Variants in ADAM8 observed in about 807,000 individuals in gnomAD.
The protein encoded by ADAM8 is disintegrin and metalloproteinase domain-containing protein 8.
ADAM8 carries 104 observed loss-of-function variants against 102.4 expected under a neutral mutation model. The observed-to-expected ratio is 1.02, with a 90% CI of 0.87 to 1.20. The LOEUF (loss-of-function observed/expected upper bound fraction) is 1.20. Ranked by LOEUF, ADAM8 falls within the 50% of genes most tolerant of loss-of-function variation. ADAM8 has a pLI of 0.00. For missense variants in ADAM8, 1,132 were observed against 1,159.0 expected, an observed-to-expected ratio of 0.98 and a Z score of 0.34; for synonymous variants, 517 against 485.2, an observed-to-expected ratio of 1.07 and a Z score of -0.86.
intron 18 of ADAM8, 42 bp from the exon 19 acceptor site, chr10:133,268,904 C>A (rs1192940751): frequency 6.3e-7 from 1 of 1,585,922 alleles, no homozygotes; most frequent in Non-Finnish European, 8.5e-7. Context: ...CAGGCCGCGA[C>A]CTCAGGCAGG....
At position 133,262,977 on chromosome 10, in the gene ADAM8, G is replaced by T; in HGVS notation, c.*179C>A. 1.3e-6 allele frequency: 1 copy of T among 772,156 alleles called. No homozygotes were observed. Among genetic ancestry groups the T allele is most frequent in the Non-Finnish European group, 2.2e-6 (1 of 445,384 alleles). The allele number at this position is 772,156 out of a possible 1,614,324, so 47.8% of individuals were successfully genotyped here. The stretch of plus-strand genomic sequence containing the variant: ...TGGCCAAGGCGGGGAGAAGGAATTG[G>T]CTGAGGGCGTGGACAGCAGGAGCCT... On this transcript the variant is annotated 3_prime_UTR_variant, in exon 23 of 23. Coordinates refer to ENST00000445355, the MANE Select transcript of ADAM8 (RefSeq NM_001109.5).
At position 133,267,990 on chromosome 10, in the gene ADAM8, TG is replaced by T. The variant is rs1482554868; in HGVS notation, c.2191del (p.His731ThrfsTer15). 7.9e-7 allele frequency: 1 copy of T among 1,259,222 alleles called. No individual in the cohort carries two copies. Among genetic ancestry groups the T allele is most frequent in the Non-Finnish European group, 1.0e-6 (1 of 995,638 alleles). 78.0% of individuals were successfully genotyped at this position (1,259,222 alleles called of 1,614,324 possible). On this transcript the variant is annotated frameshift_variant, in exon 20 of 23. Coordinates refer to ENST00000445355, the MANE Select transcript of ADAM8 (RefSeq NM_001109.5). LOFTEE classifies it high-confidence loss of function. Reference sequence around the variant, plus strand: ...CGGGTGTCGGGCGGGCTGGCCCGGGTGGGTGGTGGGGACCAGCTCTTGGGGG... The same window carrying T: ...CGGGTGTCGGGCGGGCTGGCCCGGGTGGTGGTGGGGACCAGCTCTTGGGGG... ...RGPQELVPTT[H>X]PGQPARHPAS...
chr10:133,264,798 T>A (rs944767551), intron 21 of ADAM8, among the ~76,000 whole-genome samples: 4 of 148,878 alleles, frequency 2.7e-5, no homozygotes, highest in African/African-American at 1.0e-4. Context: ...TGGTTCCTGC[T>A]GCAGCCTCTG....
In ADAM8 at chr10:133,263,210, G is replaced by A. The variant is rs1419092736; in HGVS notation, c.2421C>T (p.Ala807=). The change falls in exon 23 of 23, where the codon GCC becomes GCT. Residue 807 remains alanine, a synonymous_variant. Coordinates refer to ENST00000445355, the MANE Select transcript of ADAM8 (RefSeq NM_001109.5). ...GCTTCCTCTGGATGGGGGGCTTCAGGGCAACCTTTGGGCCAACAGCACCCT... is the reference window on the plus strand; with the variant it reads ...GCTTCCTCTGGATGGGGGGCTTCAGAGCAACCTTTGGGCCAACAGCACCCT... ...PAEGAVGPKV[A]LKPPIQRKQG... is the part of the protein sequence containing the mutation. 3 of 1,612,124 alleles carry A rather than the reference G, an allele frequency of 1.9e-6. No individual in the cohort carries two copies. The highest frequency in any genetic ancestry group is 2.7e-5 in the African/African-American group (2 of 74,870).
chr10:133,268,473 C>T (rs1388109548), intron 19 of ADAM8, among the ~76,000 whole-genome samples: 2 of 152,112 alleles, frequency 1.3e-5, no homozygotes, highest in South Asian at 2.1e-4. Context: ...GGGACCCCAC[C>T]GGGCCTCTCT....
Position 133,263,761 on chromosome 10 carries a change from A to G in ADAM8, c.2324T>C (p.Ile775Thr), listed in dbSNP as rs3008319. 0.013 allele frequency: 19,549 copies of G among 1,554,422 alleles called. 1,979 individuals carry two copies. The African/African-American group carries it at 0.23, about 18-fold the overall frequency. Residue 775 changes from isoleucine (I) to threonine (T), a missense_variant, in exon 22 of 23, where the codon ATC becomes ACC. By Grantham distance (89) the Ile-to-Thr change is moderately conservative. Coordinates refer to ENST00000445355, the MANE Select transcript of ADAM8 (RefSeq NM_001109.5). ...VYTRQAPKQV[I>T]KPTFAPPVPP... ...CACTGGGGGTGCGAACGTTGGCTTG[A>G]TGACCTGGGAGGAAACAGACACAGC...
chr10:133,272,391 C>G (rs769133901), intron 9 of ADAM8, 25 bp downstream of exon 9: 2 of 1,530,386 alleles, frequency 1.3e-6, no homozygotes, highest in Non-Finnish European at 1.8e-6. Flanking sequence ...CAGCCCTCCC[C>G]ACCCTGCCCG....
At chr10:133,272,382 A>G in intron 9 of ADAM8, 34 bp downstream of exon 9, 1 of 164,814 alleles carries the variant, frequency 6.1e-6, no homozygotes, top group Non-Finnish European at 8.5e-6. Flanking sequence ...CTCCCTCCCC[A>G]GCCCTCCCCA....
At position 133,269,957 on chromosome 10, in the gene ADAM8, A is replaced by C. The variant is rs771190040; in HGVS notation, c.1803T>G (p.Arg601=). ...CGPEKVCWKG[R]CQDLHVYRSS... is the part of the protein sequence containing the mutation. The stretch of plus-strand genomic sequence containing the variant: ...ATCTGTAAACGTGTAAGTCCTGGCA[A>C]CGTCCTTTCCAGCAAACCTGGGGGT... The change falls in exon 17 of 23, where the codon CGT becomes CGG. Residue 601 remains arginine (R), a synonymous_variant. Transcript: ENST00000445355. The C allele has an allele frequency of 6.2e-7, 1 of 1,612,684 alleles. No homozygotes were observed. The highest frequency in any genetic ancestry group is 8.5e-7 in the Non-Finnish European group (1 of 1,179,940).
At chr10:133,271,487 C>T (rs756433835) in intron 12 of ADAM8, 41 bp downstream of exon 12, 1 of 1,518,240 alleles carries the variant, frequency 6.6e-7, no homozygotes, top group South Asian at 1.2e-5. Flanking sequence ...GAGGTTGTGG[C>T]ACCCAGTGCT....
chr10:133,272,616 G>T (rs1457934242), intron 8 of ADAM8, 31 bp from the exon 9 acceptor site: 2 of 1,587,342 alleles, frequency 1.3e-6, no homozygotes, highest in Non-Finnish European at 1.7e-6. Context: ...TGGGGGTCAG[G>T]CAGGGTGGCG....
At chr10:133,272,776 T>C (rs757940452) in intron 8 of ADAM8, 22 bp downstream of exon 8, 4 of 1,598,988 alleles carry the variant, frequency 2.5e-6, no homozygotes, top group Non-Finnish European at 3.4e-6. Context: ...CTGGCACCTC[T>C]GCAGCCAGGA....
intron 21 of ADAM8, among the ~76,000 whole-genome samples, chr10:133,266,089 G>A (rs1434982920): frequency 3.3e-5 from 5 of 152,138 alleles, no homozygotes; most frequent in East Asian, 1.9e-4. Flanking sequence ...TGCTGCCCCC[G>A]CCAACAGTGC....
intron 21 of ADAM8, among the ~76,000 whole-genome samples, chr10:133,264,058 CTT>C (rs3058139): frequency 3.2e-3 from 272 of 84,032 alleles, no homozygotes; most frequent in Non-Finnish European, 5.8e-3. Flanking sequence ...TTTTCCTTTC[CTT>C]TTTTTTTTTT....
rs1049028483 is a variant in ADAM8 at position 133,270,890 on chromosome 10, A to G, written c.1555T>C (p.Trp519Arg). 1.9e-6 allele frequency: 3 copies of G among 1,610,832 alleles called. No individual in the cohort carries two copies. The highest frequency in any genetic ancestry group is 2.5e-6 in the Non-Finnish European group (3 of 1,178,480). The change falls in exon 14 of 23, where the codon TGG becomes CGG. Residue 519 changes from tryptophan (W) to arginine (R), a missense_variant. Transcript: ENST00000445355. ...TCTGTGCCCACTTCACCTGGCCCCC[A>G]GAAGGCCTGGCACTGCTGGGCCAGT... ...PTLAQQCQAF[W>R]GPGGQAAEES...
chr10:133,267,243 A>G (rs2136075846), intron 21 of ADAM8, 109 bp downstream of exon 21: 1 of 1,249,162 alleles, frequency 8.0e-7, no homozygotes, highest in Non-Finnish European at 1.1e-6. Context: ...TGTGTACAGC[A>G]GGGGCCACCT....
Position 133,267,949 on chromosome 10 carries a change from GAGCCACCGAGGA to G in ADAM8, c.2221_2232del (p.Ser741_Ala744del). 1 of 1,261,364 alleles carries G rather than the reference GAGCCACCGAGGA, an allele frequency of 7.9e-7. No homozygotes were observed. The highest frequency in any genetic ancestry group is 1.0e-6 in the Non-Finnish European group (1 of 996,808). The allele number at this position is 1,261,364 out of a possible 1,614,324, so 78.1% of individuals were successfully genotyped here. ...CTTACAGCAGGGGGCGGCCTCTTCA[GAGCCACCGAGGA>G]GGCCGGGTGTCGGGCGGGCTGGCCC... On this transcript the variant is annotated inframe_deletion, in exon 20 of 23. Transcript: ENST00000445355.
At chr10:133,266,729 G>C (rs565283973) in intron 21 of ADAM8, among the ~76,000 whole-genome samples, 2 of 152,318 alleles carry the variant, frequency 1.3e-5, no homozygotes, top group African/African-American at 4.8e-5. Flanking sequence ...GTGGCCCCAG[G>C]AAGGGAGCTC....
At chr10:133,263,633 A>AGGCCGTGCCACTGTCAGCCCCGTGGGGG in intron 22 of ADAM8, 55 bp downstream of exon 22, 4 of 1,483,584 alleles carry the variant, frequency 2.7e-6, no homozygotes, top group South Asian at 1.3e-5. Flanking sequence ...CCCCGTGGGG[A>AGGCCGTGCCACTGTCAGCCCCGTGGGGG]GGCCGTGCCG....
Sources: allele counts gnomAD v4.1 joint callset (sites outside exome capture counted in the v4.1 genomes callset), GRCh38; gene constraint gnomAD v4.1.1; transcripts MANE v1.5; gene names NCBI Gene and HGNC (gene_info 2026-07-23, HGNC 2026-07-21).